Variants in IGF2BP3 observed in about 807,000 individuals in gnomAD.
The protein encoded by IGF2BP3 is insulin-like growth factor 2 mRNA-binding protein 3.
A neutral mutation model predicts 73.8 loss-of-function variants in IGF2BP3; 9 were observed. The observed-to-expected ratio is 0.12, with a 90% CI of 0.07 to 0.21. The LOEUF is 0.21. Among genes scored for constraint, IGF2BP3 ranks in the 10% least tolerant of loss-of-function variants. IGF2BP3 has a pLI of 1.00. For synonymous variants in IGF2BP3, 258 were observed against 256.7 expected (o/e 1.01, Z -0.05); for missense variants, 542 against 714.0 (o/e 0.76, Z 2.75).
intron 3 of IGF2BP3, among the ~76,000 whole-genome samples, chr7:23,366,590 C>A (rs1281438839): frequency 1.3e-5 from 2 of 151,380 alleles, no homozygotes; most frequent in Non-Finnish European, 2.9e-5. Flanking sequence ...CAAAAAAACC[C>A]CTCTAATCCT....
chr7:23,458,008 T>A (rs1788361371), intron 2 of IGF2BP3, among the ~76,000 whole-genome samples: 1 of 152,198 alleles, frequency 6.6e-6, no homozygotes, highest in Admixed American at 6.5e-5. Context: ...CATGTTTCTG[T>A]TATCACCATC....
At chr7:23,393,385 C>T (rs987656413) in intron 3 of IGF2BP3, among the ~76,000 whole-genome samples, 2 of 152,184 alleles carry the variant, frequency 1.3e-5, no homozygotes, top group African/African-American at 4.8e-5. Context: ...CTAAGGAATA[C>T]GGGCATGTGA....
intron 10 of IGF2BP3, among the ~76,000 whole-genome samples, chr7:23,331,884 A>AT (rs1377148258): frequency 6.6e-6 from 1 of 151,562 alleles, no homozygotes; most frequent in Non-Finnish European, 1.5e-5. Flanking sequence ...GAAAAAAAAA[A>AT]GGAGTTTAAT....
chr7:23,423,407 C>T (rs983126289), intron 2 of IGF2BP3, among the ~76,000 whole-genome samples: 2 of 152,126 alleles, frequency 1.3e-5, no homozygotes, highest in Admixed American at 1.3e-4. Flanking sequence ...ACTTACAAGT[C>T]AAGAAAAGGT....
chr7:23,346,353 A>G (rs1583914507), intron 7 of IGF2BP3, among the ~76,000 whole-genome samples: 2 of 152,338 alleles, frequency 1.3e-5, no homozygotes, highest in East Asian at 3.9e-4. Context: ...CCCTACTACC[A>G]GAACACAACG....
At chr7:23,435,312 A>T (rs1315628361) in intron 2 of IGF2BP3, among the ~76,000 whole-genome samples, 1 of 149,158 alleles carries the variant, frequency 6.7e-6, no homozygotes, top group East Asian at 1.9e-4. Context: ...AAAAAAAAAA[A>T]AAAAAAAAAT....
chr7:23,412,842 CTTTTTTTTTTTTTTT>C lies in IGF2BP3; in HGVS notation c.285+5919_285+5933del, dbSNP rs557467066. Among the ~76,000 whole-genome samples the C allele has an allele frequency of 1.6e-3, 59 of 37,010 alleles. 1 individual carries two copies. Among genetic ancestry groups the C allele is most frequent in the Admixed American group, 6.8e-3 (14 of 2,054 alleles). The allele number at this position is 37,010 out of a possible 152,430, so 24.3% of individuals were successfully genotyped here. ...GAAATCCTTTCCTTAAGACTCTGGCCTTTTTTTTTTTTTTTTTTTTTTTTTTTTTTTTTTTGAGAC... is the reference window on the plus strand; with the variant it reads ...GAAATCCTTTCCTTAAGACTCTGGCCTTTTTTTTTTTTTTTTTTTTGAGAC... On this transcript the variant is annotated intron_variant, in intron 3 of 14. Coordinates refer to ENST00000258729, the MANE Select transcript of IGF2BP3 (RefSeq NM_006547.3).
At chr7:23,345,276 G>T (rs1784802365) in intron 8 of IGF2BP3, among the ~76,000 whole-genome samples, 1 of 152,238 alleles carries the variant, frequency 6.6e-6, no homozygotes, top group Non-Finnish European at 1.5e-5. Flanking sequence ...CCTCCAAGGT[G>T]ATTCCTGTCA....
chr7:23,406,450 G>A (rs1158923373), intron 3 of IGF2BP3, among the ~76,000 whole-genome samples: 7 of 152,072 alleles, frequency 4.6e-5, no homozygotes, highest in Admixed American at 4.6e-4. Flanking sequence ...TCTTAAAGAT[G>A]GTGTGTCTGG....
At chr7:23,344,491 G>T (rs537703695) in intron 8 of IGF2BP3, among the ~76,000 whole-genome samples, 5 of 152,152 alleles carry the variant, frequency 3.3e-5, no homozygotes, top group Non-Finnish European at 7.4e-5. Context: ...TAACAAAAAC[G>T]TTAGATAGTG....
At chr7:23,401,258 C>T (rs1281457039) in intron 3 of IGF2BP3, among the ~76,000 whole-genome samples, 1 of 152,182 alleles carries the variant, frequency 6.6e-6, no homozygotes. Flanking sequence ...TACTTGCCTT[C>T]ACACAGACCC....
chr7:23,396,733 A>C (rs114062846), intron 3 of IGF2BP3, among the ~76,000 whole-genome samples: 2,973 of 152,298 alleles, frequency 0.02, 105 homozygotes, highest in African/African-American at 0.067. Context: ...GATTCTTGGC[A>C]AAGAAAATGT....
rs769916733 is a variant in IGF2BP3, at chr7:23,310,563, A to G, written c.*1799T>C. The G allele has an allele frequency of 4.0e-4, 61 of 152,242 alleles. No homozygotes were observed. Among genetic ancestry groups the G allele is most frequent in the Non-Finnish European group, 8.1e-4 (55 of 68,034 alleles). 9.4% of individuals were successfully genotyped at this position (152,242 alleles called of 1,614,324 possible). A position where few individuals can be genotyped will look rare whatever the true frequency, so the allele number is the denominator to read the frequency against. On this transcript the variant is annotated 3_prime_UTR_variant, in exon 15 of 15. Transcript: ENST00000258729. Reference sequence around the variant, plus strand: ...TTACCTGAAATCCAACCAGAAAGCCAGTCCATGATTTTAGCAATTTTAATT... The same window carrying G: ...TTACCTGAAATCCAACCAGAAAGCCGGTCCATGATTTTAGCAATTTTAATT...
Position 23,420,151 on chromosome 7 carries a change from C to T in IGF2BP3, c.237-1327G>A, listed in dbSNP as rs74867914. ...AACAAAAACTAGCAATTGAGCTTGA[C>T]ATCTCAAGTGAAATAAATTACTTAA... On this transcript the variant is annotated intron_variant, in intron 2 of 14. Coordinates refer to ENST00000258729, the MANE Select transcript of IGF2BP3 (RefSeq NM_006547.3). Among the ~76,000 whole-genome samples the T allele has an allele frequency of 3.6e-3, 549 of 152,336 alleles. 16 individuals are homozygous for T. In the East Asian group the frequency reaches 0.075, roughly 21 times the overall value.
At chr7:23,461,081 C>T (rs929309608) in intron 2 of IGF2BP3, among the ~76,000 whole-genome samples, 3 of 152,006 alleles carry the variant, frequency 2.0e-5, no homozygotes, top group East Asian at 1.9e-4. Context: ...AGAGCCAGGC[C>T]GAGATTTAAC....
Position 23,468,540 on chromosome 7 carries a change from T to C in IGF2BP3, c.178A>G (p.Lys60Glu). The change falls in exon 2 of 15, where the codon AAA (lysine) becomes GAA (glutamate). Residue 60 changes from lysine to glutamate, a missense_variant and splice_region_variant. By Grantham distance (56) the Lys-to-Glu change is moderately conservative (BLOSUM62 1). This residue lies in a region of IGF2BP3 where 239 missense variants were observed against 241.9 expected (regional missense o/e 0.99). Transcript: ENST00000258729. ...ALKAIEALSG[K>E]IELHGKPIEV... ...ATGGGTTTCCCGTGCAGTTCTATTT[T>C]ACCTGCGGACACACAAGAAGTGAGA... The C allele has an allele frequency of 1.2e-6, 2 of 1,614,196 alleles. No homozygotes were observed. The highest frequency in any genetic ancestry group is 1.7e-6 in the Non-Finnish European group (2 of 1,180,002).
At chr7:23,423,131 C>T (rs1787398301) in intron 2 of IGF2BP3, among the ~76,000 whole-genome samples, 1 of 152,218 alleles carries the variant, frequency 6.6e-6, no homozygotes, top group Admixed American at 6.5e-5. Flanking sequence ...AGTAACTAAT[C>T]TTAAACTGTG....
chr7:23,426,258 TGCAGCAAGCTGAG>T (rs1344120016), intron 2 of IGF2BP3, among the ~76,000 whole-genome samples: 1 of 137,540 alleles, frequency 7.3e-6, no homozygotes, highest in Non-Finnish European at 1.5e-5. Context: ...ACTCAGAGGC[TGCAGCAAGCTGAG>T]ACCGTGCCAT....
chr7:23,442,436 CACCCAGGCTGG>C (rs1234530759), intron 2 of IGF2BP3, among the ~76,000 whole-genome samples: 1 of 151,886 alleles, frequency 6.6e-6, no homozygotes, highest in Non-Finnish European at 1.5e-5. Context: ...CTTGCTCTGT[CACCCAGGCTGG>C]AGTACAGTGG....
Sources: gnomAD v4.1 joint callset for allele counts (sites outside exome capture counted in the v4.1 genomes callset) on GRCh38, gnomAD v4.1.1 for gene constraint, gnomAD v4.1.1 regional missense constraint, MANE v1.5 for transcripts, NCBI Gene and HGNC (gene_info 2026-07-23, HGNC 2026-07-21) for gene names.